Variants in MTMR4 observed in about 807,000 individuals in gnomAD.
MTMR4 encodes the protein myotubularin related protein 4.
Under a neutral mutation model 125.5 loss-of-function variants are expected in MTMR4, and 30 were observed. The ratio of observed to expected loss-of-function variants is 0.24; its 90% CI spans 0.18 to 0.32. The LOEUF is 0.32. Ranked by LOEUF, MTMR4 falls within the 10% of genes least tolerant of loss-of-function variation. The pLI is 1.00. For synonymous variants in MTMR4, 498 were observed against 564.5 expected (o/e 0.88, Z 1.67); for missense variants, 1,039 against 1,511.5 (o/e 0.69, Z 5.18).
Position 58,507,139 on chromosome 17 carries a change from C to T in MTMR4, c.888G>A (p.Ala296=), listed in dbSNP as rs780528447. The T allele has an allele frequency of 1.6e-5, 26 of 1,614,026 alleles. No homozygotes were observed. The highest frequency in any genetic ancestry group is 1.1e-4 in the East Asian group (5 of 44,888). ...ACACCTTACCAAAGTCAGCATCACACGCCTCGCTGGTATCATTATTCCCGG... is the reference window on the plus strand; with the variant it reads ...ACACCTTACCAAAGTCAGCATCACATGCCTCGCTGGTATCATTATTCCCGG... The part of the protein sequence containing the change: ...LSTGNNDTSE[A]CDADFDSSLT... Residue 296 remains alanine (A), a synonymous_variant, in exon 8 of 18, where the codon GCG becomes GCA. Transcript: ENST00000682306.
rs534621471 is a variant in MTMR4 at position 58,506,591 on chromosome 17, A to G, written c.1033+152T>C. On this transcript the variant is annotated intron_variant, in intron 9 of 17. Transcript: ENST00000682306. ...CTTGGACAGATTAAGCAACTTCAGCATAGTCATAGCCATAGCTAGTAGGTA... is the reference window on the plus strand; with the variant it reads ...CTTGGACAGATTAAGCAACTTCAGCGTAGTCATAGCCATAGCTAGTAGGTA... The G allele has an allele frequency of 9.7e-6, 9 of 930,300 alleles. No individual in the cohort carries two copies. The East Asian group carries it at 2.4e-4, about 25-fold the overall frequency. 57.6% of individuals were successfully genotyped at this position (930,300 alleles called of 1,614,324 possible).
chr17:58,512,973 G>A lies in MTMR4; in HGVS notation c.46-32C>T. On this transcript the variant is annotated intron_variant, in intron 1 of 17. Transcript: ENST00000682306. This position sits in a 1 kb window ranked among gnomAD's most constrained non-coding sequence, Gnocchi z 4.1. ...GAAGGCCACAGTCCTAAGTCACCAA[G>A]CTCCACTTAGCCCATCAGGCTCATT... The A allele has an allele frequency of 6.6e-7, 1 of 1,516,160 alleles. No individual in the cohort carries two copies. The highest frequency in any genetic ancestry group is 9.1e-7 in the Non-Finnish European group (1 of 1,093,950). 93.9% of individuals were successfully genotyped at this position (1,516,160 alleles called of 1,614,324 possible).
chr17:58,514,536 G>A lies in MTMR4; in HGVS notation c.-129C>T, dbSNP rs1976031722. On this transcript the variant is annotated 5_prime_UTR_variant, in exon 1 of 18. Coordinates refer to ENST00000682306, the MANE Select transcript of MTMR4 (RefSeq NM_001378067.1). ...GCCGCGGCGGCCAAGAGGCTAGGGC[G>A]CTGGTGGCCGGGCCTCCGCGCGGCT... The A allele has an allele frequency of 3.0e-6, 3 of 985,150 alleles. No homozygotes were observed. Among genetic ancestry groups the A allele is most frequent in the Non-Finnish European group, 3.6e-6 (3 of 829,872 alleles). The allele number at this position is 985,150 out of a possible 1,614,324, so 61.0% of individuals were successfully genotyped here.
intron 4 of MTMR4, among the ~76,000 whole-genome samples, chr17:58,509,807 A>G (rs762165820): frequency 4.6e-5 from 7 of 152,172 alleles, no homozygotes; most frequent in Non-Finnish European, 8.8e-5. Context: ...GCCTCCTTGA[A>G]GGGAAGGGCA....
chr17:58,515,368 G>A (rs1026952074), upstream of MTMR4, among the ~76,000 whole-genome samples: 1 of 152,218 alleles, frequency 6.6e-6, no homozygotes, highest in Non-Finnish European at 1.5e-5. Flanking sequence ...AAGAGTCACA[G>A]AGGGAGGTGG....
At chr17:58,493,246 G>T (rs1212427078) in intron 15 of MTMR4, among the ~76,000 whole-genome samples, 1 of 152,260 alleles carries the variant, frequency 6.6e-6, no homozygotes, top group Non-Finnish European at 1.5e-5. Flanking sequence ...TAAACCAGGG[G>T]TTGGCAAGCT....
intron 14 of MTMR4, among the ~76,000 whole-genome samples, chr17:58,503,273 AACAC>A (rs758816980): frequency 6.6e-6 from 1 of 152,194 alleles, no homozygotes; most frequent in African/African-American, 2.4e-5. Context: ...GGACCTTGAA[AACAC>A]ACAGAGTGCA....
intron 14 of MTMR4, among the ~76,000 whole-genome samples, chr17:58,502,085 A>T (rs191565245): frequency 6.6e-6 from 1 of 151,614 alleles, no homozygotes. Flanking sequence ...CAAAAAAAAA[A>T]CACACAAAGT....
chr17:58,491,598 A>G lies in MTMR4; in HGVS notation c.*65T>C. ...CATGAGCCACACCAAGGAACCTTCCAAACTACAACTGAAGAAGATCCTCCC... is the reference window on the plus strand; with the variant it reads ...CATGAGCCACACCAAGGAACCTTCCGAACTACAACTGAAGAAGATCCTCCC... On this transcript the variant is annotated 3_prime_UTR_variant, in exon 18 of 18. Transcript: ENST00000682306. 1.3e-6 allele frequency: 2 copies of G among 1,518,656 alleles called. No homozygotes were observed. Among genetic ancestry groups the G allele is most frequent in the Non-Finnish European group, 1.8e-6 (2 of 1,112,712 alleles). The allele number at this position is 1,518,656 out of a possible 1,614,324, so 94.1% of individuals were successfully genotyped here.
At chr17:58,517,059 C>T (rs2042027486), upstream of MTMR4, among the ~76,000 whole-genome samples, 1 of 152,236 alleles carries the variant, frequency 6.6e-6, no homozygotes, top group African/African-American at 2.4e-5. Flanking sequence ...TTGCCAGTCT[C>T]TGAGTCTGGG....
intron 15 of MTMR4, among the ~76,000 whole-genome samples, chr17:58,494,678 C>T (rs887789798): frequency 6.6e-6 from 1 of 152,210 alleles, no homozygotes; most frequent in Non-Finnish European, 1.5e-5. Context: ...CATTCTTCAG[C>T]ACTCAGCTCA....
In MTMR4 at chr17:58,490,446, T is replaced by A. The variant is rs1024462731; in HGVS notation, c.*1217A>T. On this transcript the variant is annotated 3_prime_UTR_variant, in exon 18 of 18. Coordinates refer to ENST00000682306, the MANE Select transcript of MTMR4 (RefSeq NM_001378067.1). Reference sequence around the variant, plus strand: ...AACAAAAAAACAAAATAAAATTTTTTAAAAACCAACAACGTTTGGTCCAAA... The same window carrying A: ...AACAAAAAAACAAAATAAAATTTTTAAAAAACCAACAACGTTTGGTCCAAA... The A allele has an allele frequency of 2.0e-5, 3 of 152,660 alleles. No individual in the cohort carries two copies. The highest frequency in any genetic ancestry group is 4.8e-5 in the African/African-American group (2 of 41,454). 9.5% of individuals were successfully genotyped at this position (152,660 alleles called of 1,614,324 possible). A position where few individuals can be genotyped will look rare whatever the true frequency, so the allele number is the denominator to read the frequency against.
At chr17:58,509,464 G>A (rs1311594379) in intron 4 of MTMR4, among the ~76,000 whole-genome samples, 1 of 149,316 alleles carries the variant, frequency 6.7e-6, no homozygotes, top group Non-Finnish European at 1.5e-5. Context: ...TGTCACCCAG[G>A]CTGGAGTGTA....
At chr17:58,492,652 G>A (rs1167807827) in intron 16 of MTMR4, 53 bp from the exon 17 acceptor site, 1 of 1,538,802 alleles carries the variant, frequency 6.5e-7, no homozygotes, top group Non-Finnish European at 9.0e-7. Flanking sequence ...GACTGGAAGA[G>A]CAACATTGCA....
intron 14 of MTMR4, among the ~76,000 whole-genome samples, chr17:58,499,665 G>A (rs561284684): frequency 3.5e-4 from 52 of 149,102 alleles, no homozygotes; most frequent in African/African-American, 1.2e-3. Context: ...TCTGTTGCCC[G>A]GGCTGGAGTG....
Position 58,502,075 on chromosome 17 carries a change from C to CA in MTMR4, c.1853+1668dup, listed in dbSNP as rs537798994. The stretch of plus-strand genomic sequence containing the variant: ...CTCTGTCAAAAACAAAAAAACAAAA[C>CA]AAAAAAAAAACACACAAAGTAACCC... On this transcript the variant is annotated intron_variant, in intron 14 of 17. Coordinates refer to ENST00000682306, the MANE Select transcript of MTMR4 (RefSeq NM_001378067.1). Among the ~76,000 whole-genome samples, 903 of 134,930 alleles carry CA rather than the reference C, an allele frequency of 6.7e-3. 12 individuals are homozygous for CA. The highest frequency in any genetic ancestry group is 0.022 in the African/African-American group (795 of 36,650). The allele number at this position is 134,930 out of a possible 152,430, so 88.5% of individuals were successfully genotyped here.
Position 58,504,403 on chromosome 17 carries a change from T to C in MTMR4, c.1427A>G (p.Asp476Gly), listed in dbSNP as rs568464149. 1.2e-6 allele frequency: 2 copies of C among 1,613,928 alleles called. No homozygotes were observed. Among genetic ancestry groups the C allele is most frequent in the African/African-American group, 1.3e-5 (1 of 74,962 alleles). ...GAACACAGGGCATTGTTCGTTTTGG[T>C]CCTCCACATTCTCTTGGTGGCCACA... is the stretch of plus-strand genomic sequence containing the variant. ...DRCGHQENVE[D>G]QNEQCPVFLQ... Residue 476 changes from aspartate to glycine, a missense_variant, in exon 12 of 18, where the codon GAC (aspartate) becomes GGC (glycine). Physicochemically the swap from Asp to Gly is moderately conservative, Grantham distance 94. Coordinates refer to ENST00000682306, the MANE Select transcript of MTMR4 (RefSeq NM_001378067.1). This position sits in a 1 kb window ranked among gnomAD's most constrained non-coding sequence, Gnocchi z 7.1.
intron 14 of MTMR4, 88 bp from the exon 15 acceptor site, chr17:58,496,418 G>A: frequency 9.0e-7 from 1 of 1,116,766 alleles, no homozygotes; most frequent in South Asian, 1.6e-5. Context: ...CAATATCAAA[G>A]CCAGAGTTTA....
At chr17:58,513,112 G>A (rs1975977654) in intron 1 of MTMR4, among the ~76,000 whole-genome samples, 171 bp from the exon 2 acceptor site, 2 of 152,192 alleles carry the variant, frequency 1.3e-5, no homozygotes, top group South Asian at 4.1e-4. Flanking sequence ...AGGGAAGGGT[G>A]AAATGGAGAG....
Sources: gnomAD v4.1 joint callset for allele counts (sites outside exome capture counted in the v4.1 genomes callset) on GRCh38, gnomAD v4.1.1 for gene constraint, Gnocchi (gnomAD v3.1) non-coding constraint, MANE v1.5 for transcripts, NCBI Gene and HGNC (gene_info 2026-07-23, HGNC 2026-07-21) for gene names.